The following NDRG3 variants were observed in gnomAD, a reference collection of about 807,000 sequenced individuals.
NDRG3 encodes NDRG family member 3, also known as protein NDRG3.
NDRG3 carries 23 observed loss-of-function variants against 57.2 expected under a neutral mutation model. That is an observed-to-expected ratio of 0.40 (90% CI 0.29 to 0.57). The LOEUF (loss-of-function observed/expected upper bound fraction) is 0.57, where lower values mean the gene tolerates loss of function less well. Ranked by LOEUF, NDRG3 falls within the 20% of genes least tolerant of loss-of-function variation. The pLI, the probability that NDRG3 is intolerant of heterozygous loss-of-function variation, is 0.42. For missense variants in NDRG3, 384 were observed against 457.3 expected, an observed-to-expected ratio of 0.84 and a Z score of 1.46; for synonymous variants, 132 against 162.6, an observed-to-expected ratio of 0.81 and a Z score of 1.43.
At chr20:36,720,313 C>T (rs2148195213) in intron 2 of NDRG3, among the ~76,000 whole-genome samples, 1 of 151,870 alleles carries the variant, frequency 6.6e-6, no homozygotes, top group East Asian at 2.0e-4. Context: ...GCTGGGACTA[C>T]AGGCCTGCAC....
At chr20:36,734,838 A>G (rs1255261270) in intron 1 of NDRG3, among the ~76,000 whole-genome samples, 1 of 152,050 alleles carries the variant, frequency 6.6e-6, no homozygotes, top group Non-Finnish European at 1.5e-5. Flanking sequence ...ATCACTCCCA[A>G]TTGAGAAGCA....
chr20:36,686,951 C>T (rs1309832373), intron 5 of NDRG3, among the ~76,000 whole-genome samples: 2 of 152,010 alleles, frequency 1.3e-5, no homozygotes, highest in Admixed American at 6.6e-5. Context: ...ATCCCCTGGG[C>T]TCAAGTGATC....
intron 2 of NDRG3, among the ~76,000 whole-genome samples, chr20:36,720,683 C>G (rs1356297695): frequency 6.6e-6 from 1 of 152,134 alleles, no homozygotes; most frequent in Non-Finnish European, 1.5e-5. Flanking sequence ...ACATCACCAG[C>G]CATGGATGGT....
chr20:36,692,695 T>A (rs1982367917), intron 3 of NDRG3, among the ~76,000 whole-genome samples: 1 of 152,060 alleles, frequency 6.6e-6, no homozygotes, highest in African/African-American at 2.4e-5. Flanking sequence ...TGGTGCTAGC[T>A]GTATGTATTT....
rs974436083 is a variant in NDRG3, at chr20:36,682,699, T to C, written c.384-121A>G. 9 of 797,382 alleles carry C rather than the reference T, an allele frequency of 1.1e-5. No homozygotes were observed. In the East Asian group the frequency reaches 2.4e-4, roughly 21 times the overall value. The allele number at this position is 797,382 out of a possible 1,614,324, so 49.4% of individuals were successfully genotyped here. Reference sequence around the variant, plus strand: ...TCTGATATTTATTAGATGTGAGAATTTGGGCAAGTGTTTTTTTTCTTTCCC... The same window carrying C: ...TCTGATATTTATTAGATGTGAGAATCTGGGCAAGTGTTTTTTTTCTTTCCC... On this transcript the variant is annotated intron_variant, in intron 6 of 15. Transcript: ENST00000349004.
intron 8 of NDRG3, 29 bp downstream of exon 8, chr20:36,680,787 G>C (rs1175791239): frequency 8.2e-6 from 13 of 1,590,568 alleles, no homozygotes; most frequent in Non-Finnish European, 1.0e-5. Context: ...GCCAAGATAA[G>C]CCGATGGACA....
chr20:36,718,474 G>A (rs938790254), intron 2 of NDRG3, among the ~76,000 whole-genome samples: 1 of 152,104 alleles, frequency 6.6e-6, no homozygotes, highest in African/African-American at 2.4e-5. Context: ...TAGTCTACTC[G>A]GGCTGTCATA....
At chr20:36,716,867 G>A (rs1318878551) in intron 2 of NDRG3, among the ~76,000 whole-genome samples, 2 of 152,074 alleles carry the variant, frequency 1.3e-5, no homozygotes, top group African/African-American at 4.8e-5. Context: ...TAGACCCCCA[G>A]GTCCAGGTCA....
chr20:36,679,504 AT>A (rs1317685294), intron 8 of NDRG3, among the ~76,000 whole-genome samples: 4,333 of 142,956 alleles, frequency 0.03, 201 homozygotes, highest in African/African-American at 0.1. Flanking sequence ...TTAAATTGCA[AT>A]TTTTTTTTTT....
chr20:36,715,586 GGC>G (rs1344033492), intron 2 of NDRG3, among the ~76,000 whole-genome samples: 5 of 151,582 alleles, frequency 3.3e-5, no homozygotes, highest in African/African-American at 7.3e-5. Flanking sequence ...GGGAGGCCGA[GGC>G]AGGAGGATTG....
intron 2 of NDRG3, among the ~76,000 whole-genome samples, chr20:36,715,680 T>C (rs978331332): frequency 1.3e-5 from 2 of 151,406 alleles, no homozygotes; most frequent in Non-Finnish European, 2.9e-5. Context: ...TGGCCAGGCA[T>C]GGTGGGCACA....
chr20:36,722,931 C>A (rs1214280216), intron 1 of NDRG3, among the ~76,000 whole-genome samples: 2 of 152,230 alleles, frequency 1.3e-5, no homozygotes, highest in Admixed American at 6.5e-5. Flanking sequence ...CTAGGGGAAG[C>A]TAGCTGCCAA....
chr20:36,661,674 G>A (rs776230726), intron 12 of NDRG3, among the ~76,000 whole-genome samples: 4 of 152,238 alleles, frequency 2.6e-5, no homozygotes, highest in Non-Finnish European at 5.9e-5. Context: ...GACTGAAAGT[G>A]AGGCTGGGGC....
At chr20:36,692,020 T>C (rs1268056757) in intron 3 of NDRG3, among the ~76,000 whole-genome samples, 1 of 152,016 alleles carries the variant, frequency 6.6e-6, no homozygotes, top group African/African-American at 2.4e-5. Context: ...TTGTGATAGG[T>C]GCTATAAAAG....
At chr20:36,689,289 A>G (rs1196846077) in intron 3 of NDRG3, among the ~76,000 whole-genome samples, 1 of 152,184 alleles carries the variant, frequency 6.6e-6, no homozygotes, top group Non-Finnish European at 1.5e-5. Context: ...ATAAATAGGG[A>G]GCAAAACACA....
intron 9 of NDRG3, among the ~76,000 whole-genome samples, chr20:36,669,220 C>T (rs1240580233): frequency 3.3e-5 from 5 of 151,270 alleles, no homozygotes; most frequent in Admixed American, 6.6e-5. Context: ...CCACACCCGG[C>T]TAATTTTGTA....
intron 3 of NDRG3, among the ~76,000 whole-genome samples, chr20:36,705,544 G>A (rs1983503001): frequency 6.6e-6 from 1 of 151,990 alleles, no homozygotes; most frequent in Non-Finnish European, 1.5e-5. Flanking sequence ...ACTATTTGCT[G>A]GGGGGTATAC....
rs1978318046 is a variant in NDRG3 at position 36,652,267 on chromosome 20, G to A, written c.*1253C>T. 1 of 152,176 alleles carries A rather than the reference G, an allele frequency of 6.6e-6. No individual in the cohort carries two copies. Among genetic ancestry groups the A allele is most frequent in the Non-Finnish European group, 1.5e-5 (1 of 68,076 alleles). 9.4% of individuals were successfully genotyped at this position (152,176 alleles called of 1,614,324 possible). ...ATCTCTACTAAAAATACATAACTTA[G>A]CTGGGTATGGTGGCAGGTGCCTGTA... On this transcript the variant is annotated 3_prime_UTR_variant, in exon 16 of 16. Transcript: ENST00000349004.
chr20:36,676,945 C>T (rs1980780356), intron 8 of NDRG3, among the ~76,000 whole-genome samples: 2 of 152,256 alleles, frequency 1.3e-5, no homozygotes, highest in South Asian at 4.1e-4. Context: ...GATCCCCGCC[C>T]TCCTGGGCAG....
Sources: gnomAD v4.1 joint callset for allele counts (sites outside exome capture counted in the v4.1 genomes callset) on GRCh38, gnomAD v4.1.1 for gene constraint, MANE v1.5 for transcripts, NCBI Gene and HGNC (gene_info 2026-07-23, HGNC 2026-07-21) for gene names.